RBFOX1: variants seen among roughly 807,000 people sequenced by gnomAD.
RBFOX1 encodes RNA binding fox-1 homolog 1, also known as RNA binding protein fox-1 homolog 1.
In RBFOX1, 8 loss-of-function variants were observed where a neutral mutation model predicts 57.7. The ratio of observed to expected loss-of-function variants is 0.14; its 90% confidence interval spans 0.08 to 0.25. RBFOX1 has a LOEUF of 0.25. Ranked by LOEUF, RBFOX1 falls within the 10% of genes least tolerant of loss-of-function variation. The probability of loss-of-function intolerance (pLI) is 1.00; values close to 1 mark genes in which losing one functional copy is unlikely to be tolerated. For missense variants in RBFOX1, 611 were observed against 548.5 expected (o/e 1.11, Z -1.14); for synonymous variants, 326 against 222.4 (o/e 1.47, Z -4.15).
intron 1 of RBFOX1, among the ~76,000 whole-genome samples, chr16:6,281,640 G>A (rs1003918685): frequency 9.2e-5 from 14 of 152,154 alleles, no homozygotes; most frequent in African/African-American, 3.1e-4. Flanking sequence ...TGGCGGTGGT[G>A]TTGGTAGTAA....
chr16:5,351,281 A>T (rs1255013112), intron 1 of RBFOX1, among the ~76,000 whole-genome samples: 1 of 152,248 alleles, frequency 6.6e-6, no homozygotes, highest in East Asian at 1.9e-4. Flanking sequence ...GTTAAGCGCT[A>T]TGCCAGGGCT....
At chr16:6,655,271 G>A (rs1044078125) in intron 3 of RBFOX1, among the ~76,000 whole-genome samples, 1 of 149,522 alleles carries the variant, frequency 6.7e-6, no homozygotes, top group African/African-American at 2.4e-5. Flanking sequence ...CTACTTGGGA[G>A]GCTGAGGCAG....
chr16:6,629,981 A>C (rs1022654683), intron 2 of RBFOX1, among the ~76,000 whole-genome samples: 3 of 150,822 alleles, frequency 2.0e-5, no homozygotes, highest in Non-Finnish European at 4.4e-5. Flanking sequence ...TTTAAAAAAA[A>C]AAAAGACCAT....
At chr16:6,881,046 C>A (rs934087433) in intron 3 of RBFOX1, among the ~76,000 whole-genome samples, 2 of 152,190 alleles carry the variant, frequency 1.3e-5, no homozygotes, top group African/African-American at 4.8e-5. Flanking sequence ...CCTCCTATGC[C>A]TGTGGCAGAC....
chr16:6,173,073 T>C (rs1005176531), intron 1 of RBFOX1, among the ~76,000 whole-genome samples: 4 of 152,196 alleles, frequency 2.6e-5, no homozygotes, highest in Non-Finnish European at 5.9e-5. Context: ...TAAGGACTGA[T>C]ACGATGATAT....
chr16:7,617,375 T>C (rs968559834), intron 10 of RBFOX1, among the ~76,000 whole-genome samples: 6 of 152,188 alleles, frequency 3.9e-5, no homozygotes, highest in Non-Finnish European at 8.8e-5. Flanking sequence ...AAATAGTTGT[T>C]TTTTTTCAAA....
At chr16:5,981,675 G>C (rs996951024) in intron 4 of RBFOX1, among the ~76,000 whole-genome samples, 1 of 152,100 alleles carries the variant, frequency 6.6e-6, no homozygotes, top group Non-Finnish European at 1.5e-5. Flanking sequence ...CACCATATTG[G>C]TCAGTCTGGT....
chr16:7,066,117 A>G (rs967820883), intron 4 of RBFOX1, among the ~76,000 whole-genome samples: 3 of 152,356 alleles, frequency 2.0e-5, no homozygotes, highest in Admixed American at 6.5e-5. Flanking sequence ...CTTAAAGCCT[A>G]TAGTCATTAG....
intron 3 of RBFOX1, among the ~76,000 whole-genome samples, chr16:6,711,685 T>TA (rs764303103): frequency 1.0e-3 from 153 of 152,284 alleles, no homozygotes; most frequent in Non-Finnish European, 2.0e-3. Context: ...AAACTTACTT[T>TA]ATTAAGTCTC....
intron 3 of RBFOX1, among the ~76,000 whole-genome samples, chr16:6,758,649 A>C (rs142636147): frequency 6.6e-6 from 1 of 152,224 alleles, no homozygotes; most frequent in Non-Finnish European, 1.5e-5. Context: ...TTTAAAGCAC[A>C]GACTGTGTTA....
chr16:6,023,084 C>G (rs2095115752), intron 1 of RBFOX1, among the ~76,000 whole-genome samples: 2 of 152,048 alleles, frequency 1.3e-5, no homozygotes, highest in East Asian at 1.9e-4. Context: ...ATCTAATCAA[C>G]AGGTATAAAG....
intron 3 of RBFOX1, among the ~76,000 whole-genome samples, chr16:5,667,603 C>T (rs771061608): frequency 6.6e-6 from 1 of 152,140 alleles, no homozygotes; most frequent in Non-Finnish European, 1.5e-5. Context: ...TTCTATGTAT[C>T]TTGCTTGTAT....
chr16:5,872,979 T>A (rs1184676029), intron 4 of RBFOX1, among the ~76,000 whole-genome samples: 3 of 151,972 alleles, frequency 2.0e-5, no homozygotes, highest in Non-Finnish European at 4.4e-5. Flanking sequence ...GGTGAAGTAC[T>A]ATCTCTATTA....
At position 6,364,433 on chromosome 16, in the gene RBFOX1, C is replaced by G. The variant is rs551566989; in HGVS notation, c.-64+47376C>G. ...ACCTCAGCATTATTATTTTTAACACCCACCTTGCCAAGAAGAGTATAACTC... is the reference window on the plus strand; with the variant it reads ...ACCTCAGCATTATTATTTTTAACACGCACCTTGCCAAGAAGAGTATAACTC... On this transcript the variant is annotated intron_variant, in intron 2 of 15. Coordinates refer to ENST00000550418, the MANE Select transcript of RBFOX1 (RefSeq NM_018723.4). 1.1e-4 allele frequency among the ~76,000 whole-genome samples: 16 copies of G among 152,244 alleles called. No individual in the cohort carries two copies. The East Asian group carries it at 2.9e-3, about 28-fold the overall frequency.
chr16:5,898,430 A>C (rs1179827806), intron 4 of RBFOX1, among the ~76,000 whole-genome samples: 1 of 152,168 alleles, frequency 6.6e-6, no homozygotes, highest in Non-Finnish European at 1.5e-5. Flanking sequence ...AAAACGTATC[A>C]GACCTCTGAT....
chr16:6,965,766 T>G (rs922060584), intron 3 of RBFOX1, among the ~76,000 whole-genome samples: 53 of 152,322 alleles, frequency 3.5e-4, no homozygotes, highest in African/African-American at 1.3e-3. Flanking sequence ...TGGGGTGCTT[T>G]CTCCATAGCA....
intron 3 of RBFOX1, among the ~76,000 whole-genome samples, chr16:6,882,465 G>A (rs59356349): frequency 0.072 from 10,879 of 152,026 alleles, 1,335 homozygotes; most frequent in African/African-American, 0.25. Context: ...ATGGTGGTAC[G>A]TGCTTGTAAT....
intron 2 of RBFOX1, among the ~76,000 whole-genome samples, chr16:5,485,345 C>CAAAAA (rs71142624): frequency 7.7e-5 from 4 of 51,660 alleles, no homozygotes; most frequent in East Asian, 7.3e-4. Context: ...GACTCCGTGT[C>CAAAAA]AAAAAAAAAA....
At chr16:6,507,743 C>T (rs531148679) in intron 2 of RBFOX1, among the ~76,000 whole-genome samples, 1 of 151,844 alleles carries the variant, frequency 6.6e-6, no homozygotes, top group Non-Finnish European at 1.5e-5. Context: ...CAGTATGATT[C>T]CACTTATATA....
Sources: gnomAD v4.1 joint callset for allele counts (sites outside exome capture counted in the v4.1 genomes callset) on GRCh38, gnomAD v4.1.1 for gene constraint, MANE v1.5 for transcripts, NCBI Gene and HGNC (gene_info 2026-07-23, HGNC 2026-07-21) for gene names.